The following CCDC201 variants were observed in gnomAD, a reference collection of about 807,000 sequenced individuals.
The protein encoded by CCDC201 is coiled-coil domain-containing protein 201.
the CCDC201 span, among the ~76,000 whole-genome samples, chr7:45,882,963 T>A: frequency 6.6e-6 from 1 of 152,274 alleles, no homozygotes; most frequent in East Asian, 1.9e-4. Flanking sequence ...AATGCCTGTA[T>A]GGTATGGCAG....
chr7:45,880,931 T>C, the CCDC201 span, among the ~76,000 whole-genome samples: 1 of 152,128 alleles, frequency 6.6e-6, no homozygotes, highest in Non-Finnish European at 1.5e-5. Context: ...ACAAGCACAT[T>C]GAGGTTTCTT....
the CCDC201 span, among the ~76,000 whole-genome samples, chr7:45,879,296 C>T: frequency 6.6e-6 from 1 of 152,158 alleles, no homozygotes; most frequent in Non-Finnish European, 1.5e-5. Context: ...CAATCTCTGC[C>T]CCTTACCCAG....
upstream of CCDC201, among the ~76,000 whole-genome samples, chr7:45,875,279 A>G (rs1424497309): frequency 6.6e-6 from 1 of 152,112 alleles, no homozygotes; most frequent in African/African-American, 2.4e-5. Context: ...TGGATCACCT[A>G]AGGTCAGGAG....
chr7:45,879,108 A>C, the CCDC201 span, among the ~76,000 whole-genome samples: 1 of 152,238 alleles, frequency 6.6e-6, no homozygotes, highest in Non-Finnish European at 1.5e-5. Flanking sequence ...AAAGCATAGC[A>C]AGATTGACCT....
chr7:45,884,310 G>A, the CCDC201 span, among the ~76,000 whole-genome samples: 28 of 152,252 alleles, frequency 1.8e-4, no homozygotes, highest in South Asian at 5.4e-3. Flanking sequence ...TTGTTACCCA[G>A]GCTGGTCTCA....
chr7:45,874,591 C>T (rs1786778295), upstream of CCDC201, among the ~76,000 whole-genome samples: 1 of 152,228 alleles, frequency 6.6e-6, no homozygotes. Flanking sequence ...TGCTCACCCT[C>T]ACCCTCTGAC....
chr7:45,863,903 C>T (rs1355300397), intron 2 of CCDC201, among the ~76,000 whole-genome samples: 1 of 152,158 alleles, frequency 6.6e-6, no homozygotes, highest in Non-Finnish European at 1.5e-5. Context: ...TGAGCCAGAG[C>T]CAGCAGGAGC....
chr7:45,867,937 A>T (rs1450120376), intron 1 of CCDC201, among the ~76,000 whole-genome samples: 1 of 152,258 alleles, frequency 6.6e-6, no homozygotes, highest in African/African-American at 2.4e-5. Flanking sequence ...CACTTGCTTT[A>T]AACCTGAGAT....
chr7:45,871,719 C>A (rs961800202), intron 1 of CCDC201, among the ~76,000 whole-genome samples: 1 of 152,230 alleles, frequency 6.6e-6, no homozygotes, highest in Admixed American at 6.5e-5. Context: ...ATCCAACAAC[C>A]TGATGGATAA....
At chr7:45,878,721 T>C in the CCDC201 span, among the ~76,000 whole-genome samples, 7 of 152,240 alleles carry the variant, frequency 4.6e-5, no homozygotes, top group Non-Finnish European at 1.0e-4. Flanking sequence ...TGGGAGTGGC[T>C]GCCCCCCTAG....
chr7:45,861,503 A>G (rs1252309840), exon 3 of CCDC201: 1 of 152,248 alleles, frequency 6.6e-6, no homozygotes, highest in Non-Finnish European at 1.5e-5. Context: ...GTCTAACTGC[A>G]GCCGCTATAT....
chr7:45,872,046 G>A (rs5002720), intron 1 of CCDC201, among the ~76,000 whole-genome samples: 23,772 of 152,118 alleles, frequency 0.16, 2,164 homozygotes, highest in East Asian at 0.27. Flanking sequence ...AAGGATATTC[G>A]AAACAGCTAA....
At position 45,869,819 on chromosome 7, in the gene CCDC201, ATTTTT is replaced by A. The variant is rs113136055; in HGVS notation, c.18+3166_18+3170del. On this transcript the variant is annotated intron_variant, in intron 1 of 2. Coordinates refer to ENST00000636578, the Ensembl canonical transcript of CCDC201. ...CTACTTTACAGTTTAGTTGCTCCAC[ATTTTT>A]TTTTTTTTTTTGAGACAGAGTCTCG... 2.1e-5 allele frequency among the ~76,000 whole-genome samples: 3 copies of A among 140,810 alleles called. No individual in the cohort carries two copies. The South Asian group carries it at 6.8e-4, about 32-fold the overall frequency. 92.4% of individuals were successfully genotyped at this position (140,810 alleles called of 152,430 possible).
intron 2 of CCDC201, among the ~76,000 whole-genome samples, chr7:45,865,341 T>C (rs752575879): frequency 2.0e-5 from 3 of 152,116 alleles, no homozygotes; most frequent in South Asian, 2.1e-4. Flanking sequence ...TCTGAGACAG[T>C]GTGTGCCCTG....
chr7:45,879,344 G>A, the CCDC201 span, among the ~76,000 whole-genome samples: 15,564 of 152,140 alleles, frequency 0.1, 983 homozygotes, highest in East Asian at 0.2. Context: ...TATATTTATA[G>A]CAATGCCTCA....
chr7:45,882,542 A>G, the CCDC201 span, among the ~76,000 whole-genome samples: 2 of 152,216 alleles, frequency 1.3e-5, no homozygotes, highest in Non-Finnish European at 2.9e-5. Context: ...CAATTGTCAG[A>G]GTTGAGTTGT....
chr7:45,875,725 G>A (rs1285454656), upstream of CCDC201, among the ~76,000 whole-genome samples: 2 of 152,212 alleles, frequency 1.3e-5, no homozygotes, highest in African/African-American at 4.8e-5. Flanking sequence ...TGAAGCAGCG[G>A]GGGCTGCTTG....
the CCDC201 span, among the ~76,000 whole-genome samples, chr7:45,879,609 G>A: frequency 2.0e-5 from 3 of 152,208 alleles, no homozygotes; most frequent in South Asian, 6.2e-4. Flanking sequence ...TTAGGGGGAT[G>A]GTGTTAAACA....
At chr7:45,883,916 C>T in the CCDC201 span, among the ~76,000 whole-genome samples, 135 of 152,168 alleles carry the variant, frequency 8.9e-4, no homozygotes, top group Non-Finnish European at 1.6e-3. Flanking sequence ...TGAGGGGTCC[C>T]CAGGCGCCGG....
Sources: allele counts gnomAD v4.1 joint callset (sites outside exome capture counted in the v4.1 genomes callset), GRCh38; gene constraint gnomAD v4.1.1; transcripts MANE v1.5; gene names NCBI Gene and HGNC (gene_info 2026-07-23, HGNC 2026-07-21).